The following MECOM variants were observed in gnomAD, a reference collection of about 807,000 sequenced individuals.
MECOM encodes histone-lysine N-methyltransferase MECOM.
A neutral mutation model predicts 116.3 loss-of-function variants in MECOM; 13 were observed. The observed-to-expected ratio is 0.11, with a 90% CI of 0.07 to 0.18. The LOEUF (loss-of-function observed/expected upper bound fraction) is 0.18. Ranked by LOEUF, MECOM falls within the 10% of genes least tolerant of loss-of-function variation. MECOM has a pLI of 1.00. For synonymous variants in MECOM, 528 were observed against 535.2 expected (o/e 0.99, Z 0.19); for missense variants, 1,299 against 1,509.0 (o/e 0.86, Z 2.31).
chr3:169,571,887 C>G (rs983545812), intron 1 of MECOM, among the ~76,000 whole-genome samples: 14 of 152,170 alleles, frequency 9.2e-5, no homozygotes, highest in Non-Finnish European at 2.1e-4. Context: ...ATACAAAACT[C>G]TAGAAGAAAA....
At chr3:169,649,986 GAAT>G (rs990889877) in intron 1 of MECOM, among the ~76,000 whole-genome samples, 30 of 152,284 alleles carry the variant, frequency 2.0e-4, no homozygotes, top group African/African-American at 7.0e-4. Flanking sequence ...CTGTGTAAAG[GAAT>G]GGGCTGAACT....
intron 1 of MECOM, among the ~76,000 whole-genome samples, chr3:169,547,859 A>C (rs912645712): frequency 6.6e-6 from 1 of 152,120 alleles, no homozygotes; most frequent in Non-Finnish European, 1.5e-5. Flanking sequence ...CACAAGCCAG[A>C]GAATGCCAAG....
intron 2 of MECOM, among the ~76,000 whole-genome samples, chr3:169,159,967 A>C (rs1742600739): frequency 6.6e-6 from 1 of 152,222 alleles, no homozygotes; most frequent in South Asian, 2.1e-4. Context: ...GCACCTAATA[A>C]GCATGAGCTA....
intron 11 of MECOM, among the ~76,000 whole-genome samples, chr3:169,101,296 TATG>T (rs1723471398): frequency 6.6e-6 from 1 of 152,150 alleles, no homozygotes; most frequent in Non-Finnish European, 1.5e-5. Flanking sequence ...GGGATAAAAA[TATG>T]ATAAGAGTTT....
rs534400295 is a variant in MECOM at position 169,171,889 on chromosome 3, C to T, written c.376-28057G>A. On this transcript the variant is annotated intron_variant, in intron 2 of 16. Transcript: ENST00000651503. ...GAACTGACTCTAACAAAATAGAAAG[C>T]TCCCAAGAGAGGAAACATAGATACT... Among the ~76,000 whole-genome samples the T allele has an allele frequency of 2.0e-5, 3 of 152,114 alleles. No homozygotes were observed. In the South Asian group the frequency reaches 6.2e-4, roughly 32 times the overall value.
At chr3:169,588,589 T>G (rs1344937118) in intron 1 of MECOM, among the ~76,000 whole-genome samples, 1 of 152,154 alleles carries the variant, frequency 6.6e-6, no homozygotes, top group African/African-American at 2.4e-5. Flanking sequence ...GTATAATAGG[T>G]TGTTTCATTT....
At chr3:169,090,971 G>A (rs1719521753) in intron 14 of MECOM, among the ~76,000 whole-genome samples, 1 of 151,778 alleles carries the variant, frequency 6.6e-6, no homozygotes, top group South Asian at 2.1e-4. Context: ...GATTTCCCAG[G>A]ATTAAAAAAT....
intron 2 of MECOM, chr3:169,145,143 AACACACACACACACACACAC>A (rs67598122): frequency 1.4e-5 from 7 of 513,162 alleles, no homozygotes; most frequent in Admixed American, 7.2e-5. Flanking sequence ...GATATTATTA[AACACACACACACACACACAC>A]ACACACACAC....
intron 2 of MECOM, among the ~76,000 whole-genome samples, chr3:169,327,696 AAGATCT>A (rs1225534841): frequency 6.6e-6 from 1 of 151,790 alleles, no homozygotes; most frequent in Non-Finnish European, 1.5e-5. Context: ...TCTTTTTGCC[AAGATCT>A]AGGTCAGAGA....
intron 1 of MECOM, among the ~76,000 whole-genome samples, chr3:169,503,617 C>T (rs1339443087): frequency 6.6e-6 from 1 of 152,154 alleles, no homozygotes; most frequent in African/African-American, 2.4e-5. Context: ...AGAAATTTAA[C>T]TTATATCAAT....
At chr3:169,179,827 G>C (rs1745712589) in intron 2 of MECOM, among the ~76,000 whole-genome samples, 1 of 152,038 alleles carries the variant, frequency 6.6e-6, no homozygotes, top group African/African-American at 2.4e-5. Flanking sequence ...CCAGCAGCCG[G>C]TCTCTCTTTT....
At chr3:169,569,318 C>A (rs539458071) in intron 1 of MECOM, among the ~76,000 whole-genome samples, 1 of 152,170 alleles carries the variant, frequency 6.6e-6, no homozygotes, top group South Asian at 2.1e-4. Context: ...ACAAGAGCAC[C>A]CAGATTCATA....
intron 2 of MECOM, among the ~76,000 whole-genome samples, chr3:169,165,937 T>A (rs2149358708): frequency 6.6e-6 from 1 of 152,298 alleles, no homozygotes; most frequent in African/African-American, 2.4e-5. Flanking sequence ...GGTCTTTTTT[T>A]CAGCTTTCAA....
chr3:169,385,619 C>A (rs1359200876), intron 1 of MECOM, among the ~76,000 whole-genome samples: 1 of 152,158 alleles, frequency 6.6e-6, no homozygotes, highest in Non-Finnish European at 1.5e-5. Context: ...TATCACACCA[C>A]ATTGAATATT....
At chr3:169,247,897 G>C (rs1337554847) in intron 2 of MECOM, among the ~76,000 whole-genome samples, 2 of 152,152 alleles carry the variant, frequency 1.3e-5, no homozygotes, top group Non-Finnish European at 2.9e-5. Flanking sequence ...TTAAAAATGT[G>C]ATAGAATTCA....
chr3:169,247,408 T>G lies in MECOM; in HGVS notation c.376-103576A>C, dbSNP rs1429947650. On this transcript the variant is annotated intron_variant, in intron 2 of 16. Coordinates refer to ENST00000651503, the MANE Select transcript of MECOM (RefSeq NM_004991.4). ...ACAACCTCCACCTCCCGCGTTCAAG[T>G]GATTCTCCTGCTTCAGCCTCCTGAG... Among the ~76,000 whole-genome samples, 3 of 152,030 alleles carry G rather than the reference T, an allele frequency of 2.0e-5. No homozygotes were observed. The East Asian group carries it at 5.8e-4, about 29-fold the overall frequency.
At chr3:169,097,337 G>A (rs1028239717) in intron 12 of MECOM, among the ~76,000 whole-genome samples, 4 of 151,994 alleles carry the variant, frequency 2.6e-5, no homozygotes, top group South Asian at 4.2e-4. Context: ...TAAAGTCTTG[G>A]CCAGAAAAAG....
intron 10 of MECOM, 85 bp from the exon 11 acceptor site, chr3:169,102,311 A>G: frequency 1.5e-6 from 2 of 1,313,492 alleles, no homozygotes; most frequent in Non-Finnish European, 2.1e-6. Flanking sequence ...CATCATTAAA[A>G]GGGAAGCATG....
rs149717158 is a variant in MECOM, at chr3:169,165,735, A to C, written c.376-21903T>G. 2.6e-5 allele frequency among the ~76,000 whole-genome samples: 4 copies of C among 152,324 alleles called. No individual in the cohort carries two copies. The East Asian group carries it at 7.7e-4, about 29-fold the overall frequency. On this transcript the variant is annotated intron_variant, in intron 2 of 16. Transcript: ENST00000651503. ...AGTACTTTAAGGAAAGATAAACAAG[A>C]AGGTAGAGGAATAAAATGTGGCTCT...
Sources: allele counts gnomAD v4.1 joint callset (sites outside exome capture counted in the v4.1 genomes callset), GRCh38; gene constraint gnomAD v4.1.1; transcripts MANE v1.5; gene names NCBI Gene and HGNC (gene_info 2026-07-23, HGNC 2026-07-21).